The following SLC7A11 variants were observed in gnomAD, a reference collection of about 807,000 sequenced individuals.
SLC7A11 encodes the protein cystine/glutamate transporter.
In SLC7A11, 35 loss-of-function variants were observed where a neutral mutation model predicts 54.5. The observed-to-expected ratio is 0.64, with a 90% CI of 0.49 to 0.85. The LOEUF is 0.85. Among genes scored for constraint, SLC7A11 ranks in the 40% least tolerant of loss-of-function variants. SLC7A11 has a pLI of 0.00. For synonymous variants in SLC7A11, 230 were observed against 225.2 expected, an observed-to-expected ratio of 1.02 and a Z score of -0.19; for missense variants, 583 against 618.1, an observed-to-expected ratio of 0.94 and a Z score of 0.60.
chr4:138,212,989 A>G (rs149316717), intron 6 of SLC7A11, among the ~76,000 whole-genome samples: 139 of 152,108 alleles, frequency 9.1e-4, no homozygotes, highest in African/African-American at 3.2e-3. Flanking sequence ...TAGAAATTCA[A>G]TACATATTTT....
intron 11 of SLC7A11, 104 bp from the exon 12 acceptor site, chr4:138,172,121 G>T: frequency 8.6e-7 from 1 of 1,161,486 alleles, no homozygotes; most frequent in Non-Finnish European, 1.2e-6. Flanking sequence ...ACACACAACT[G>T]TCTACTTCAT....
intron 10 of SLC7A11, 72 bp from the exon 11 acceptor site, chr4:138,179,466 G>A: frequency 7.5e-7 from 1 of 1,331,126 alleles, no homozygotes; most frequent in Non-Finnish European, 1.1e-6. Flanking sequence ...AGATGAGCGT[G>A]TCAGTCATGA....
intron 6 of SLC7A11, among the ~76,000 whole-genome samples, chr4:138,199,205 G>A (rs1235606074): frequency 6.6e-6 from 1 of 152,008 alleles, no homozygotes; most frequent in East Asian, 1.9e-4. Flanking sequence ...CAAACTGTGG[G>A]GGAAACAAAA....
At chr4:138,236,569 G>T in intron 1 of SLC7A11, 118 bp from the exon 2 acceptor site, 1 of 931,710 alleles carries the variant, frequency 1.1e-6, no homozygotes, top group Non-Finnish European at 1.6e-6. Context: ...CCTTTGGTCT[G>T]AATGGCATCC....
At position 138,179,323 on chromosome 4, in the gene SLC7A11, G is replaced by A. The variant is rs1414792259; in HGVS notation, c.1338C>T (p.Asp446=). The change falls in exon 11 of 12, where the codon GAC becomes GAT. Residue 446 remains aspartate (D), a synonymous_variant. Transcript: ENST00000280612. ...CGAAGCCAATCCCTGTACTAAATGGGTCCGAATAGAGGGAAAGGGCAACCA... is the reference window on the plus strand; with the variant it reads ...CGAAGCCAATCCCTGTACTAAATGGATCCGAATAGAGGGAAAGGGCAACCA... ...LFMVALSLYS[D]PFSTGIGFVI... The A allele has an allele frequency of 6.2e-7, 1 of 1,612,558 alleles. No homozygotes were observed. The highest frequency in any genetic ancestry group is 1.3e-5 in the African/African-American group (1 of 74,826).
intron 6 of SLC7A11, among the ~76,000 whole-genome samples, chr4:138,189,095 C>T (rs567267884): frequency 6.6e-6 from 1 of 152,258 alleles, no homozygotes; most frequent in Non-Finnish European, 1.5e-5. Context: ...CTACGTCACA[C>T]ATACTTGCTT....
At chr4:138,237,738 T>TATATATATATATATATA (rs1276520668) in intron 1 of SLC7A11, among the ~76,000 whole-genome samples, 9 of 6,768 alleles carry the variant, frequency 1.3e-3, no homozygotes, top group East Asian at 4.9e-3. Flanking sequence ...TATATATATA[T>TATATATATATATATATA]TTTTTTTTTT....
intron 1 of SLC7A11, among the ~76,000 whole-genome samples, chr4:138,239,761 T>A (rs1290667727): frequency 6.6e-6 from 1 of 152,244 alleles, no homozygotes; most frequent in Non-Finnish European, 1.5e-5. Context: ...ACACTTTAAC[T>A]AGTTCAATAC....
At position 138,236,306 on chromosome 4, in the gene SLC7A11, C is replaced by T. The variant is rs1353982101; in HGVS notation, c.404+19G>A. 1 of 1,584,106 alleles carries T rather than the reference C, an allele frequency of 6.3e-7. No homozygotes were observed. The highest frequency in any genetic ancestry group is 1.9e-5 in the Admixed American group (1 of 51,840). ...TGAATTGGTTTATTTTTTCTTAATT[C>T]TTTCTACTATGCTCTTACCGTATTA... On this transcript the variant is annotated intron_variant, in intron 2 of 11. Coordinates refer to ENST00000280612, the MANE Select transcript of SLC7A11 (RefSeq NM_014331.4).
chr4:138,193,873 G>A (rs1482832181), intron 6 of SLC7A11, among the ~76,000 whole-genome samples: 1 of 152,102 alleles, frequency 6.6e-6, no homozygotes, highest in East Asian at 1.9e-4. Flanking sequence ...AGGTATGTAT[G>A]CACATATTTG....
At position 138,168,680 on chromosome 4, in the gene SLC7A11, C is replaced by T. The variant is rs1358639708; in HGVS notation, c.*3276G>A. The T allele has an allele frequency of 6.6e-6, 1 of 152,154 alleles. No homozygotes were observed. The highest frequency in any genetic ancestry group is 1.5e-5 in the Non-Finnish European group (1 of 68,034). 9.4% of individuals were successfully genotyped at this position (152,154 alleles called of 1,614,324 possible). On this transcript the variant is annotated 3_prime_UTR_variant, in exon 12 of 12. Coordinates refer to ENST00000280612, the MANE Select transcript of SLC7A11 (RefSeq NM_014331.4). Reference sequence around the variant, plus strand: ...TGGAGAAACCGTCATGCATTGCTAACGTAACCTAATAAGCTGTCCAAATTT... The same window carrying T: ...TGGAGAAACCGTCATGCATTGCTAATGTAACCTAATAAGCTGTCCAAATTT...
intron 9 of SLC7A11, among the ~76,000 whole-genome samples, chr4:138,182,003 AG>A (rs1736754163): frequency 6.6e-6 from 1 of 152,032 alleles, no homozygotes; most frequent in African/African-American, 2.4e-5. Context: ...CTTTTCTGTG[AG>A]GTGCTATGTC....
intron 7 of SLC7A11, among the ~76,000 whole-genome samples, chr4:138,184,200 G>A (rs1490983481): frequency 6.6e-6 from 1 of 152,108 alleles, no homozygotes; most frequent in Non-Finnish European, 1.5e-5. Context: ...ATATTTGATT[G>A]TCTGGTGGGA....
chr4:138,221,710 C>T (rs1465288041), intron 4 of SLC7A11, among the ~76,000 whole-genome samples: 1 of 152,132 alleles, frequency 6.6e-6, no homozygotes, highest in Non-Finnish European at 1.5e-5. Context: ...AACATTTGGG[C>T]AACCAAACCC....
At chr4:138,173,357 G>A (rs530836260) in intron 11 of SLC7A11, among the ~76,000 whole-genome samples, 20 of 151,814 alleles carry the variant, frequency 1.3e-4, no homozygotes, top group Admixed American at 5.2e-4. Flanking sequence ...TTTTCAGGCC[G>A]GGTGCAGTGG....
intron 6 of SLC7A11, among the ~76,000 whole-genome samples, chr4:138,207,592 C>T (rs1560729774): frequency 1.3e-5 from 2 of 152,036 alleles, no homozygotes; most frequent in African/African-American, 4.8e-5. Context: ...GTAATTCCAG[C>T]TACTTGGGAG....
intron 1 of SLC7A11, among the ~76,000 whole-genome samples, chr4:138,240,459 C>T (rs553242424): frequency 7.3e-5 from 11 of 150,348 alleles, no homozygotes; most frequent in African/African-American, 1.5e-4. Context: ...CCCAGCTACT[C>T]GGGAGGCTTA....
At chr4:138,194,519 A>G (rs1467827148) in intron 6 of SLC7A11, among the ~76,000 whole-genome samples, 1 of 152,144 alleles carries the variant, frequency 6.6e-6, no homozygotes, top group Non-Finnish European at 1.5e-5. Flanking sequence ...GCCCAAGGGA[A>G]ACAAAAGTGG....
chr4:138,172,876 A>T (rs1736469874), intron 11 of SLC7A11, among the ~76,000 whole-genome samples: 1 of 151,722 alleles, frequency 6.6e-6, no homozygotes, highest in Non-Finnish European at 1.5e-5. Context: ...GCGGAGTTTC[A>T]CTCGTTGCCC....
Sources: allele counts gnomAD v4.1 joint callset (sites outside exome capture counted in the v4.1 genomes callset), GRCh38; gene constraint gnomAD v4.1.1; transcripts MANE v1.5; gene names NCBI Gene and HGNC (gene_info 2026-07-23, HGNC 2026-07-21).